Variants in OR9A2 observed in about 807,000 individuals in gnomAD.
OR9A2 encodes the protein olfactory receptor family 9 subfamily A member 2, also known as olfactory receptor 9A2.
OR9A2 carries 14 observed loss-of-function variants against 18.7 expected under a neutral mutation model. That is an observed-to-expected ratio of 0.75 (90% CI 0.50 to 1.17). OR9A2 has a LOEUF of 1.17. Ranked by LOEUF, OR9A2 falls within the 50% of genes most tolerant of loss-of-function variation. The probability of loss-of-function intolerance (pLI) is 0.00; values close to 1 mark genes in which losing one functional copy is unlikely to be tolerated. For missense variants in OR9A2, 353 were observed against 372.7 expected (o/e 0.95, Z 0.44); for synonymous variants, 142 against 142.6 (o/e 1.00, Z 0.03).
At position 143,026,456 on chromosome 7, in the gene OR9A2, G is replaced by A; in HGVS notation, c.677C>T (p.Ser226Leu). ...YIISTILKIP[S>L]ASGRRKAFST... Reference sequence around the variant, plus strand: ...GAAGGCTTTCCTCCGGCCAGAGGCTGACGGGATCTTGAGGATGGTGGAGAT... The same window carrying A: ...GAAGGCTTTCCTCCGGCCAGAGGCTAACGGGATCTTGAGGATGGTGGAGAT... The change falls in exon 1 of 1, where the codon TCA (serine) becomes TTA (leucine). Residue 226 changes from serine to leucine, a missense_variant. By Grantham distance (145) the Ser-to-Leu change is moderately radical. Coordinates refer to ENST00000350513, the MANE Select transcript of OR9A2 (RefSeq NM_001001658.1). The A allele has an allele frequency of 6.2e-7, 1 of 1,614,176 alleles. No individual in the cohort carries two copies. Among genetic ancestry groups the A allele is most frequent in the African/African-American group, 1.3e-5 (1 of 75,034 alleles).
In OR9A2 at chr7:143,026,950, G is replaced by A; in HGVS notation, c.183C>T (p.Phe61=). 1 of 1,614,152 alleles carries A rather than the reference G, an allele frequency of 6.2e-7. No homozygotes were observed. The highest frequency in any genetic ancestry group is 8.5e-7 in the Non-Finnish European group (1 of 1,180,018). Residue 61 remains phenylalanine (F), a synonymous_variant, in exon 1 of 1, where the codon TTC becomes TTT. Transcript: ENST00000350513. ...DKRLQSPMYF[F]LSHLSTLEIL... ...TCTCCAGGGTAGAGAGGTGGCTGAG[G>A]AAGAAATACATGGGGGACTGCAGAC...
Position 143,026,458 on chromosome 7 carries a change from C to A in OR9A2, c.675G>T (p.Pro225=), listed in dbSNP as rs141056346. The A allele has an allele frequency of 2.5e-6, 4 of 1,613,816 alleles. No homozygotes were observed. The highest frequency in any genetic ancestry group is 2.5e-6 in the Non-Finnish European group (3 of 1,179,998). The change falls in exon 1 of 1, where the codon CCG becomes CCT. Residue 225 remains proline, a synonymous_variant. Transcript: ENST00000350513. Reference sequence around the variant, plus strand: ...AGGCTTTCCTCCGGCCAGAGGCTGACGGGATCTTGAGGATGGTGGAGATAA... The same window carrying A: ...AGGCTTTCCTCCGGCCAGAGGCTGAAGGGATCTTGAGGATGGTGGAGATAA... The part of the protein sequence containing the change: ...TYIISTILKI[P]SASGRRKAFS...
rs1034334610 is a variant in OR9A2, at chr7:143,026,944, G to C, written c.189C>G (p.Ser63Arg). 8.1e-6 allele frequency: 13 copies of C among 1,614,184 alleles called. No individual in the cohort carries two copies. Among genetic ancestry groups the C allele is most frequent in the Non-Finnish European group, 9.3e-6 (11 of 1,180,022 alleles). ...RLQSPMYFFLSHLSTLEILVT... is the reference protein window; with the variant it reads ...RLQSPMYFFLRHLSTLEILVT... ...CCAGGATCTCCAGGGTAGAGAGGTG[G>C]CTGAGGAAGAAATACATGGGGGACT... The change falls in exon 1 of 1, where the codon AGC (serine) becomes AGG (arginine). Residue 63 changes from serine (S) to arginine (R), a missense_variant. Physicochemically the swap from Ser to Arg is moderately radical, Grantham distance 110. Transcript: ENST00000350513.
In OR9A2 at chr7:143,027,000, T is replaced by G; in HGVS notation, c.133A>C (p.Ile45Leu). Residue 45 changes from isoleucine (I) to leucine (L), a missense_variant, in exon 1 of 1, where the codon ATT (isoleucine) becomes CTT (leucine). Physicochemically the swap from Ile to Leu is conservative, Grantham distance 5. Coordinates refer to ENST00000350513, the MANE Select transcript of OR9A2 (RefSeq NM_001001658.1). ...LVTLMGNTVI[I>L]VIVCVDKRLQ... is the part of the protein sequence containing the mutation. ...CGTTTATCCACACAGACAATCACAA[T>G]GATGACCGTGTTTCCCATTAATGTC... 6.2e-7 allele frequency: 1 copy of G among 1,614,046 alleles called. No individual in the cohort carries two copies. The highest frequency in any genetic ancestry group is 8.5e-7 in the Non-Finnish European group (1 of 1,179,994).
chr7:143,026,672 C>T lies in OR9A2; in HGVS notation c.461G>A (p.Trp154Ter). ...SWVFGFLSEI[W>*]PIYATFQFTF... ...AAACTGAAATGTGGCATAGATGGGC[C>T]AGATTTCAGAAAGAAATCCAAACAC... Residue 154 changes from tryptophan to a stop codon, truncating the protein, a stop_gained, in exon 1 of 1, where the codon TGG becomes TAG. Transcript: ENST00000350513. LOFTEE classifies it high-confidence loss of function. 1 of 1,614,072 alleles carries T rather than the reference C, an allele frequency of 6.2e-7. No individual in the cohort carries two copies. Among genetic ancestry groups the T allele is most frequent in the Non-Finnish European group, 8.5e-7 (1 of 1,180,016 alleles).
Position 143,026,713 on chromosome 7 carries a change from C to A in OR9A2, c.420G>T (p.Val140=), listed in dbSNP as rs1044880807. 1.1e-5 allele frequency: 18 copies of A among 1,614,010 alleles called. No homozygotes were observed. The highest frequency in any genetic ancestry group is 3.3e-5 in the Admixed American group (2 of 59,994). The change falls in exon 1 of 1, where the codon GTG becomes GTT. Residue 140 remains valine (V), a synonymous_variant. Transcript: ENST00000350513. ...IIMNSSTCIW[V]VIVSWVFGFL... ...ATCCAAACACCCATGACACTATTAC[C>A]ACCCAAATACAGGTACTGCTGTTCA...
Position 143,026,243 on chromosome 7 carries a change from A to G in OR9A2, c.890T>C (p.Leu297Pro). The G allele has an allele frequency of 6.2e-7, 1 of 1,610,856 alleles. No individual in the cohort carries two copies. Among genetic ancestry groups the G allele is most frequent in the Non-Finnish European group, 8.5e-7 (1 of 1,178,690 alleles). Residue 297 changes from leucine (L) to proline (P), a missense_variant, in exon 1 of 1, where the codon CTC becomes CCC. Physicochemically the swap from Leu to Pro is moderately conservative, Grantham distance 98 (BLOSUM62 -3). Coordinates refer to ENST00000350513, the MANE Select transcript of OR9A2 (RefSeq NM_001001658.1). ...TLRNDKVKEA[L>P]RDGMKRCCQL... ...ACAGCAGCGTTTCATCCCATCTCGG[A>G]GGGCCTCTTTGACTTTGTCATTCCG...
chr7:143,026,338 C>T lies in OR9A2; in HGVS notation c.795G>A (p.Glu265=). ...CCAACAGGGAAACTATCTTATTGTACTCAACTCCCTGTGTTTGCTTGGGTT... is the reference window on the plus strand; with the variant it reads ...CCAACAGGGAAACTATCTTATTGTATTCAACTCCCTGTGTTTGCTTGGGTT... The part of the protein sequence containing the change: ...YVKPKQTQGV[E]YNKIVSLLVS... The change falls in exon 1 of 1, where the codon GAG becomes GAA. Residue 265 remains glutamate (E), a synonymous_variant. Transcript: ENST00000350513. The T allele has an allele frequency of 6.2e-7, 1 of 1,614,088 alleles. No homozygotes were observed.
At position 143,026,606 on chromosome 7, in the gene OR9A2, T is replaced by C; in HGVS notation, c.527A>G (p.Asp176Gly). 2 of 1,614,156 alleles carry C rather than the reference T, an allele frequency of 1.2e-6. No individual in the cohort carries two copies. The highest frequency in any genetic ancestry group is 8.5e-7 in the Non-Finnish European group (1 of 1,180,028). Residue 176 changes from aspartate (D) to glycine (G), a missense_variant, in exon 1 of 1, where the codon GAC (aspartate) becomes GGC (glycine). Physicochemically the swap from Asp to Gly is moderately conservative, Grantham distance 94. Coordinates refer to ENST00000350513, the MANE Select transcript of OR9A2 (RefSeq NM_001001658.1). Reference protein sequence around the residue: ...KSNSLDHFYCDRGQLLKLSCD... With the variant: ...KSNSLDHFYCGRGQLLKLSCD... ...GGACAGTTTGAGCAATTGCCCTCGGTCACAGTAAAAATGGTCTAATGAATT... is the reference window on the plus strand; with the variant it reads ...GGACAGTTTGAGCAATTGCCCTCGGCCACAGTAAAAATGGTCTAATGAATT...
Position 143,026,836 on chromosome 7 carries a change from G to C in OR9A2, c.297C>G (p.Leu99=), listed in dbSNP as rs1478305262. The change falls in exon 1 of 1, where the codon CTC becomes CTG. Residue 99 remains leucine, a synonymous_variant. Transcript: ENST00000350513. ...CRQYLSLHVS[L]NFSCGTMEFA... is the part of the protein sequence containing the mutation. The stretch of plus-strand genomic sequence containing the variant: ...ACTCCATGGTCCCACAGGAAAAGTT[G>C]AGCGATACATGTAGAGAAAGATACT... 5 of 1,614,146 alleles carry C rather than the reference G, an allele frequency of 3.1e-6. No individual in the cohort carries two copies. The East Asian group carries it at 1.1e-4, about 36-fold the overall frequency.
chr7:143,026,208 T>C lies in OR9A2; in HGVS notation c.925A>G (p.Lys309Glu), dbSNP rs755026133. 2 of 1,588,542 alleles carry C rather than the reference T, an allele frequency of 1.3e-6. No individual in the cohort carries two copies. The highest frequency in any genetic ancestry group is 1.7e-6 in the Non-Finnish European group (2 of 1,168,194). The change falls in exon 1 of 1, where the codon AAA becomes GAA. Residue 309 changes from lysine (K) to glutamate (E), a missense_variant. Transcript: ENST00000350513. ...DGMKRCCQLL[K>E]D The stretch of plus-strand genomic sequence containing the variant: ...ACTGACTTACAGAACAGCTAATCTT[T>C]CAGGAGTTGACAGCAGCGTTTCATC...
At position 143,026,292 on chromosome 7, in the gene OR9A2, G is replaced by A. The variant is rs1797838457; in HGVS notation, c.841C>T (p.Leu281=). The change falls in exon 1 of 1, where the codon CTG becomes TTG. Residue 281 remains leucine (L), a synonymous_variant. Transcript: ENST00000350513. ...CGAAGAGTAAAGATGAAAGGATTCAGGAAGGGGGTTAACACAGAAACCAAC... is the reference window on the plus strand; with the variant it reads ...CGAAGAGTAAAGATGAAAGGATTCAAGAAGGGGGTTAACACAGAAACCAAC... ...SLLVSVLTPF[L]NPFIFTLRND... 2 of 1,613,966 alleles carry A rather than the reference G, an allele frequency of 1.2e-6. No individual in the cohort carries two copies. The highest frequency in any genetic ancestry group is 1.7e-6 in the Non-Finnish European group (2 of 1,180,026).
Position 143,027,007 on chromosome 7 carries a change from C to T in OR9A2, c.126G>A (p.Thr42=), listed in dbSNP as rs201128692. ...CCACACAGACAATCACAATGATGAC[C>T]GTGTTTCCCATTAATGTCACTAAAT... is the stretch of plus-strand genomic sequence containing the variant. ...FFYLVTLMGN[T]VIIVIVCVDK... Residue 42 remains threonine, a synonymous_variant, in exon 1 of 1, where the codon ACG becomes ACA. Coordinates refer to ENST00000350513, the MANE Select transcript of OR9A2 (RefSeq NM_001001658.1). The T allele has an allele frequency of 4.0e-5, 65 of 1,613,932 alleles. No homozygotes were observed. Among genetic ancestry groups the T allele is most frequent in the Middle Eastern group, 3.3e-4 (2 of 6,060 alleles).
rs775006136 is a variant in OR9A2, at chr7:143,026,236, A to G, written c.897T>C (p.Asp299=). Residue 299 remains aspartate, a synonymous_variant, in exon 1 of 1, where the codon GAT becomes GAC. Transcript: ENST00000350513. ...GGAGTTGACAGCAGCGTTTCATCCC[A>G]TCTCGGAGGGCCTCTTTGACTTTGT... The part of the protein sequence containing the change: ...RNDKVKEALR[D]GMKRCCQLLK... 3 of 1,609,586 alleles carry G rather than the reference A, an allele frequency of 1.9e-6. No homozygotes were observed. Among genetic ancestry groups the G allele is most frequent in the South Asian group, 1.1e-5 (1 of 90,348 alleles).
rs932951447 is a variant in OR9A2, at chr7:143,027,065, T to C, written c.68A>G (p.His23Arg). 9 of 1,613,726 alleles carry C rather than the reference T, an allele frequency of 5.6e-6. No individual in the cohort carries two copies. The South Asian group carries it at 7.7e-5, about 14-fold the overall frequency. The change falls in exon 1 of 1, where the codon CAC (histidine) becomes CGC (arginine). Residue 23 changes from histidine (H) to arginine (R), a missense_variant. Coordinates refer to ENST00000350513, the MANE Select transcript of OR9A2 (RefSeq NM_001001658.1). ...AAAGAATATAGCAAAAAGAATGTGG[T>C]GTAGTCCTTGGGACCCAGGGAAGCC... ...LLGFPGSQGL[H>R]HILFAIFFFF...
Sources: gnomAD v4.1 joint callset for allele counts on GRCh38, gnomAD v4.1.1 for gene constraint, MANE v1.5 for transcripts, NCBI Gene and HGNC (gene_info 2026-07-23, HGNC 2026-07-21) for gene names.